The following HUWE1 variants were observed in gnomAD, a reference collection of about 807,000 sequenced individuals.
HUWE1 encodes HECT, UBA and WWE domain containing E3 ubiquitin protein ligase 1, also known as E3 ubiquitin-protein ligase HUWE1.
In HUWE1, 18 loss-of-function variants were observed where a neutral mutation model predicts 299.4. The ratio of observed to expected loss-of-function variants is 0.06; its 90% confidence interval spans 0.04 to 0.09. The LOEUF (loss-of-function observed/expected upper bound fraction) is 0.09, where lower values mean the gene tolerates loss of function less well. HUWE1 is among the 10% of genes least tolerant of loss of function. The pLI, the probability that HUWE1 is intolerant of heterozygous loss-of-function variation, is 1.00. For synonymous variants in HUWE1, 1,317 were observed against 1,286.1 expected, an observed-to-expected ratio of 1.02 and a Z score of -0.51; for missense variants, 1,832 against 3,462.3, an observed-to-expected ratio of 0.53 and a Z score of 11.82.
Position 53,538,459 on chromosome X carries a change from G to A in HUWE1, c.11879-5C>T, listed in dbSNP as rs782269957. ...TTAACACAGTGCGGTGAGTCTCTGA[G>A]GGGAGAAGTGACAGCAGGAATTAAG... On this transcript the variant is annotated splice_region_variant and splice_polypyrimidine_tract_variant and intron_variant, in intron 76 of 83. Coordinates refer to ENST00000262854, the MANE Select transcript of HUWE1 (RefSeq NM_031407.7). 13 of 1,144,437 alleles carry A rather than the reference G, an allele frequency of 1.1e-5. No homozygotes were observed. In the African/African-American group the frequency reaches 2.3e-4, roughly 20 times the overall value. The allele number at this position is 1,144,437 out of a possible 1,213,427, so 94.3% of individuals were successfully genotyped here.
intron 29 of HUWE1, among the ~76,000 whole-genome samples, chrX:53,597,894 T>C (rs782133861): frequency 3.0e-4 from 33 of 110,514 alleles, no homozygotes; most frequent in African/African-American, 1.0e-3. Flanking sequence ...GATGCCATCA[T>C]TGTCACAGAA....
At chrX:53,587,969 C>T (rs1404087916) in intron 37 of HUWE1, among the ~76,000 whole-genome samples, 3 of 112,018 alleles carry the variant, frequency 2.7e-5, no homozygotes, top group African/African-American at 9.7e-5. Context: ...ATATTGACCA[C>T]ATCCAATTTG....
At chrX:53,575,109 T>C in intron 46 of HUWE1, 46 bp downstream of exon 46, 1 of 1,029,162 alleles carries the variant, frequency 9.7e-7, no homozygotes, top group Non-Finnish European at 1.4e-6. Flanking sequence ...TTCAAGTTGT[T>C]TTCCTAAGGA....
chrX:53,559,541 T>C lies in HUWE1; in HGVS notation c.7737-9A>G. 5.0e-6 allele frequency: 6 copies of C among 1,203,579 alleles called. No homozygotes were observed. Among genetic ancestry groups the C allele is most frequent in the Non-Finnish European group, 6.7e-6 (6 of 889,912 alleles). On this transcript the variant is annotated splice_polypyrimidine_tract_variant and intron_variant, in intron 56 of 83. Coordinates refer to ENST00000262854, the MANE Select transcript of HUWE1 (RefSeq NM_031407.7). ...CTGAGGGACCAAGCAACCTGTAGGG[T>C]AATGGTGGGTACCATGATCACTGTT... is the stretch of plus-strand genomic sequence containing the variant.
intron 47 of HUWE1, among the ~76,000 whole-genome samples, chrX:53,571,461 C>T (rs1263029499): frequency 2.7e-5 from 3 of 110,559 alleles, no homozygotes; most frequent in African/African-American, 6.6e-5. Flanking sequence ...ATTAGCTGGG[C>T]GTGGTAGCAT....
chrX:53,571,548 G>A (rs782545750), intron 47 of HUWE1, among the ~76,000 whole-genome samples: 1 of 111,749 alleles, frequency 8.9e-6, no homozygotes, highest in South Asian at 3.8e-4. Flanking sequence ...GCTGCAGTGA[G>A]CTATGATTGT....
intron 52 of HUWE1, among the ~76,000 whole-genome samples, chrX:53,563,228 G>A (rs1330309000): frequency 1.8e-5 from 2 of 112,255 alleles, no homozygotes; most frequent in African/African-American, 6.5e-5. Flanking sequence ...AAGAATACGT[G>A]TCTACTTCCA....
intron 24 of HUWE1, among the ~76,000 whole-genome samples, 172 bp downstream of exon 24, chrX:53,608,680 T>A (rs782060161): frequency 9.8e-5 from 11 of 112,280 alleles, no homozygotes; most frequent in Non-Finnish European, 7.5e-5. Context: ...TTGTGTTGGC[T>A]AATTTCTGGC....
intron 3 of HUWE1, among the ~76,000 whole-genome samples, chrX:53,654,767 TTA>T (rs2149357638): frequency 8.9e-6 from 1 of 112,361 alleles, no homozygotes; most frequent in East Asian, 2.8e-4. Flanking sequence ...GGTATAAAAC[TTA>T]TGTCTAAAGA....
At chrX:53,637,707 A>G (rs782293985) in intron 7 of HUWE1, among the ~76,000 whole-genome samples, 9 of 112,543 alleles carry the variant, frequency 8.0e-5, no homozygotes, top group South Asian at 7.3e-4. Flanking sequence ...TGCTGTTGTT[A>G]TATTTATGAA....
Position 53,553,016 on chromosome X carries a change from T to G in HUWE1, c.8495-123A>C, listed in dbSNP as rs782423236. The G allele has an allele frequency of 1.1e-4, 76 of 719,587 alleles. No individual in the cohort carries two copies. In the South Asian group the frequency reaches 1.7e-3, roughly 16 times the overall value. The allele number at this position is 719,587 out of a possible 1,213,427, so 59.3% of individuals were successfully genotyped here. On this transcript the variant is annotated intron_variant, in intron 61 of 83. Transcript: ENST00000262854. ...CAGCTCAGACTTCTCACTTCTCCCTTGCTGTCCCCCTCTCAATCTCACTTT... is the reference window on the plus strand; with the variant it reads ...CAGCTCAGACTTCTCACTTCTCCCTGGCTGTCCCCCTCTCAATCTCACTTT...
chrX:53,555,954 A>C (rs782285726), intron 60 of HUWE1, among the ~76,000 whole-genome samples: 1 of 112,157 alleles, frequency 8.9e-6, no homozygotes, highest in African/African-American at 3.2e-5. Context: ...AAAATTCTTA[A>C]AGTATGCTTT....
rs1556975550 is a variant in HUWE1, at chrX:53,588,542, A to G, written c.4462-8T>C. The G allele has an allele frequency of 8.4e-7, 1 of 1,197,536 alleles. No homozygotes were observed. The highest frequency in any genetic ancestry group is 1.8e-5 in the South Asian group (1 of 54,936). ...ATCAGCAGCTTCCCACACCTAGAAAAGCAAAAAAAGGGTTAAGTCACGGAA... is the reference window on the plus strand; with the variant it reads ...ATCAGCAGCTTCCCACACCTAGAAAGGCAAAAAAAGGGTTAAGTCACGGAA... On this transcript the variant is annotated splice_polypyrimidine_tract_variant and splice_region_variant and intron_variant, in intron 36 of 83. Coordinates refer to ENST00000262854, the MANE Select transcript of HUWE1 (RefSeq NM_031407.7).
At chrX:53,540,434 T>C (rs1169295920) in intron 74 of HUWE1, among the ~76,000 whole-genome samples, 1 of 111,073 alleles carries the variant, frequency 9.0e-6, no homozygotes, top group African/African-American at 3.3e-5. Flanking sequence ...GTTCAAGCGA[T>C]TCTCCAGCCT....
chrX:53,619,590 G>GAAAAAAAAAAAAAAAAAAAAAAAAA (rs35685121), intron 19 of HUWE1, among the ~76,000 whole-genome samples: 1 of 41,164 alleles, frequency 2.4e-5, no homozygotes, highest in Non-Finnish European at 4.6e-5. Flanking sequence ...AGAAATAGAA[G>GAAAAAAAAAAAAAAAAAAAAAAAAA]AAAAAAAAAA....
chrX:53,562,333 T>A, intron 53 of HUWE1, 89 bp from the exon 54 acceptor site: 1 of 1,069,353 alleles, frequency 9.4e-7, no homozygotes, highest in Non-Finnish European at 1.3e-6. Context: ...GGGAAGGTGA[T>A]GGGATATCTG....
intron 9 of HUWE1, chrX:53,631,994 T>C: frequency 3.1e-6 from 1 of 324,733 alleles, no homozygotes; most frequent in South Asian, 3.1e-5. Context: ...GCAATTAAGC[T>C]AGAAAGATTA....
At chrX:53,565,636 C>CTTT (rs377656122) in intron 49 of HUWE1, among the ~76,000 whole-genome samples, 1 of 102,012 alleles carries the variant, frequency 9.8e-6, no homozygotes, top group Non-Finnish European at 2.0e-5. Flanking sequence ...AAAAGTTTTC[C>CTTT]TTTTTTTTTT....
intron 7 of HUWE1, among the ~76,000 whole-genome samples, chrX:53,643,219 C>A (rs1300866134): frequency 8.9e-6 from 1 of 111,952 alleles, no homozygotes; most frequent in East Asian, 2.8e-4. Context: ...TTTAAGAATT[C>A]TTTCCCCACC....
Sources: allele counts gnomAD v4.1 joint callset (sites outside exome capture counted in the v4.1 genomes callset), GRCh38; gene constraint gnomAD v4.1.1; transcripts MANE v1.5; gene names NCBI Gene and HGNC (gene_info 2026-07-23, HGNC 2026-07-21).